HDAC4: variants seen among roughly 807,000 people sequenced by gnomAD.
HDAC4 encodes the protein histone deacetylase 4.
A neutral mutation model predicts 135.1 loss-of-function variants in HDAC4; 16 were observed. That is an observed-to-expected ratio of 0.12 (90% CI 0.08 to 0.18). The LOEUF (loss-of-function observed/expected upper bound fraction) is 0.18, where lower values mean the gene tolerates loss of function less well. Ranked by LOEUF, HDAC4 falls within the 10% of genes least tolerant of loss-of-function variation. The pLI is 1.00. For synonymous variants in HDAC4, 685 were observed against 653.4 expected (o/e 1.05, Z -0.74); for missense variants, 1,143 against 1,511.8 (o/e 0.76, Z 4.05).
rs1340600791 is a variant in HDAC4 at position 239,359,957 on chromosome 2, G to A, written c.-219-7039C>T. ...GAAGTGAGAATTCAGGTTTTACAGA[G>A]CAGGCATGCTAGACCCAAGGTACAC... On this transcript the variant is annotated intron_variant, in intron 1 of 26. Transcript: ENST00000543185. Among the ~76,000 whole-genome samples the A allele has an allele frequency of 2.0e-5, 3 of 152,182 alleles. No homozygotes were observed. In the East Asian group the frequency reaches 5.8e-4, roughly 29 times the overall value.
At chr2:239,225,515 C>T (rs2047186583) in intron 3 of HDAC4, among the ~76,000 whole-genome samples, 3 of 152,212 alleles carry the variant, frequency 2.0e-5, no homozygotes, top group Non-Finnish European at 4.4e-5. Flanking sequence ...GTGCCCCCAC[C>T]CCAGGGGGGG....
intron 3 of HDAC4, among the ~76,000 whole-genome samples, chr2:239,219,398 T>C (rs1186942174): frequency 2.0e-5 from 3 of 148,132 alleles, no homozygotes; most frequent in African/African-American, 5.0e-5. Flanking sequence ...ATGTTCTCAC[T>C]CATAGGTAGG....
intron 3 of HDAC4, chr2:239,191,022 C>T (rs533980907): frequency 3.1e-4 from 143 of 463,232 alleles, no homozygotes; most frequent in African/African-American, 2.6e-3. Flanking sequence ...GACATCCCAG[C>T]GTCACTTCTC....
At chr2:239,103,913 C>T (rs1190214579) in intron 15 of HDAC4, among the ~76,000 whole-genome samples, 7 of 152,260 alleles carry the variant, frequency 4.6e-5, no homozygotes, top group African/African-American at 7.2e-5. Flanking sequence ...ACTCAGTCCC[C>T]GCCCACAGGG....
At chr2:239,187,122 G>A (rs1162752787) in intron 4 of HDAC4, 1 of 152,716 alleles carries the variant, frequency 6.5e-6, no homozygotes, top group African/African-American at 2.4e-5. Context: ...AATTCAGCAG[G>A]AGCCCCTGAG....
At chr2:239,324,971 C>G (rs1368477785) in intron 2 of HDAC4, among the ~76,000 whole-genome samples, 2 of 152,232 alleles carry the variant, frequency 1.3e-5, no homozygotes, top group Non-Finnish European at 2.9e-5. Context: ...GACACATGCT[C>G]TCTTACAGCA....
intron 3 of HDAC4, among the ~76,000 whole-genome samples, chr2:239,221,109 C>T (rs1406532327): frequency 6.6e-6 from 1 of 152,234 alleles, no homozygotes; most frequent in African/African-American, 2.4e-5. Flanking sequence ...TTTACCTTCC[C>T]CGTTTACAGG....
intron 12 of HDAC4, among the ~76,000 whole-genome samples, chr2:239,125,540 T>A (rs1174263258): frequency 2.0e-5 from 3 of 152,164 alleles, no homozygotes; most frequent in African/African-American, 7.2e-5. Context: ...CAGGTTGCTG[T>A]GAATGCCTGA....
At chr2:239,112,419 CCA>C (rs933633463) in intron 13 of HDAC4, among the ~76,000 whole-genome samples, 7 of 152,230 alleles carry the variant, frequency 4.6e-5, no homozygotes, top group Admixed American at 2.6e-4. Flanking sequence ...GTCTCACATC[CCA>C]CACACCCTCG....
rs370412351 is a variant in HDAC4, at chr2:239,108,080, C to A, written c.2082G>T (p.Leu694=). 1 of 1,610,798 alleles carries A rather than the reference C, an allele frequency of 6.2e-7. No homozygotes were observed. Among genetic ancestry groups the A allele is most frequent in the Non-Finnish European group, 8.5e-7 (1 of 1,179,880 alleles). ...AGRIQSIWSR[L]QETGLRGKCE... Reference sequence around the variant, plus strand: ...ATTTGCCCCGGAGGCCCGTCTCCTGCAGGCGGGACCAGATGCTCTGGATCC... The same window carrying A: ...ATTTGCCCCGGAGGCCCGTCTCCTGAAGGCGGGACCAGATGCTCTGGATCC... Residue 694 remains leucine (L), a synonymous_variant, in exon 15 of 27, where the codon CTG becomes CTT. Coordinates refer to ENST00000543185, the MANE Select transcript of HDAC4 (RefSeq NM_001378414.1).
intron 2 of HDAC4, among the ~76,000 whole-genome samples, chr2:239,322,156 T>C (rs1257555262): frequency 1.3e-5 from 2 of 152,226 alleles, no homozygotes; most frequent in African/African-American, 4.8e-5. Context: ...AGTTACACCC[T>C]ATGCGAATGA....
At chr2:239,298,555 A>G in intron 2 of HDAC4, 3 of 1,024,592 alleles carry the variant, frequency 2.9e-6, no homozygotes, top group Non-Finnish European at 3.5e-6. Flanking sequence ...CTGGGGATGC[A>G]GGTGCCCCTG....
chr2:239,249,017 C>T (rs904660577), intron 2 of HDAC4, among the ~76,000 whole-genome samples: 15 of 152,230 alleles, frequency 9.9e-5, no homozygotes, highest in Non-Finnish European at 1.2e-4. Context: ...TGTGGGATCA[C>T]GTGCTGGAAT....
At chr2:239,385,834 C>T (rs568671969) in intron 1 of HDAC4, among the ~76,000 whole-genome samples, 5 of 152,260 alleles carry the variant, frequency 3.3e-5, no homozygotes, top group South Asian at 2.1e-4. Flanking sequence ...CCTGCCGGTA[C>T]AGAATCAAAA....
chr2:239,249,052 C>G (rs958369602), intron 2 of HDAC4, among the ~76,000 whole-genome samples: 6 of 152,240 alleles, frequency 3.9e-5, no homozygotes, highest in Non-Finnish European at 8.8e-5. Context: ...CGGAACACGG[C>G]AGGGACTGTT....
At chr2:239,292,554 C>T (rs13414636) in intron 2 of HDAC4, among the ~76,000 whole-genome samples, 2,699 of 152,198 alleles carry the variant, frequency 0.018, 90 homozygotes, top group African/African-American at 0.062. Flanking sequence ...AAATACAGAC[C>T]CACCAACCCA....
chr2:239,083,106 C>T (rs1004074298), intron 20 of HDAC4, among the ~76,000 whole-genome samples: 5 of 152,250 alleles, frequency 3.3e-5, no homozygotes, highest in East Asian at 1.9e-4. Flanking sequence ...GAGGCTTTCC[C>T]GACATGTGGC....
intron 1 of HDAC4, among the ~76,000 whole-genome samples, chr2:239,382,079 G>A (rs998653772): frequency 6.6e-6 from 1 of 152,230 alleles, no homozygotes; most frequent in Non-Finnish European, 1.5e-5. Flanking sequence ...CCAAGGGCTG[G>A]GATCTCCATA....
chr2:239,068,399 C>T lies in HDAC4; in HGVS notation c.2869+90G>A, dbSNP rs932575775. 24 of 947,136 alleles carry T rather than the reference C, an allele frequency of 2.5e-5. No individual in the cohort carries two copies. Among genetic ancestry groups the T allele is most frequent in the Middle Eastern group, 2.1e-4 (1 of 4,712 alleles). The allele number at this position is 947,136 out of a possible 1,614,324, so 58.7% of individuals were successfully genotyped here. ...AGTAAAAAGGTGCCCTTCCTTATCT[C>T]GTTATTAAAAAGGGGACCTGACACG... On this transcript the variant is annotated intron_variant, in intron 23 of 26. Coordinates refer to ENST00000543185, the MANE Select transcript of HDAC4 (RefSeq NM_001378414.1). The surrounding 1 kb of genome is among the most constrained non-coding windows in gnomAD (Gnocchi z 4.4).
Sources: allele counts gnomAD v4.1 joint callset (sites outside exome capture counted in the v4.1 genomes callset), GRCh38; gene constraint gnomAD v4.1.1; non-coding constraint Gnocchi (gnomAD v3.1); transcripts MANE v1.5; gene names NCBI Gene and HGNC (gene_info 2026-07-23, HGNC 2026-07-21).